STK3: variants seen among roughly 807,000 people sequenced by gnomAD.
The protein encoded by STK3 is serine/threonine kinase 3, also known as serine/threonine-protein kinase 3.
In STK3, 41 loss-of-function variants were observed where a neutral mutation model predicts 58.0. That is an observed-to-expected ratio of 0.71 (90% CI 0.55 to 0.92). The LOEUF is 0.92. Among genes scored for constraint, STK3 ranks in the 40% least tolerant of loss-of-function variants. The pLI is 0.00. For missense variants in STK3, 479 were observed against 602.7 expected (o/e 0.79, Z 2.15); for synonymous variants, 170 against 191.0 (o/e 0.89, Z 0.91).
chr8:98,566,377 A>C (rs1812482499), intron 8 of STK3, among the ~76,000 whole-genome samples: 1 of 152,136 alleles, frequency 6.6e-6, no homozygotes, highest in Non-Finnish European at 1.5e-5. Flanking sequence ...AACTGCAATA[A>C]GCCAAACTAG....
chr8:98,612,065 TAG>T (rs1198751216), intron 6 of STK3, among the ~76,000 whole-genome samples: 1 of 149,170 alleles, frequency 6.7e-6, no homozygotes, highest in African/African-American at 2.4e-5. Flanking sequence ...ATACATATAA[TAG>T]ACATTTATAT....
chr8:98,351,757 A>G, the STK3 span, among the ~76,000 whole-genome samples: 2 of 152,202 alleles, frequency 1.3e-5, no homozygotes, highest in Non-Finnish European at 2.9e-5. Context: ...ACCAATTTTT[A>G]CTCAAAAGAT....
At chr8:98,606,176 G>C (rs1816760273) in intron 6 of STK3, 1 of 152,230 alleles carries the variant, frequency 6.6e-6, no homozygotes, top group Non-Finnish European at 1.5e-5. Context: ...TAAATGGGCA[G>C]TATCAGGCTA....
intron 10 of STK3, among the ~76,000 whole-genome samples, chr8:98,510,940 T>C (rs1452118845): frequency 1.3e-5 from 2 of 152,052 alleles, no homozygotes; most frequent in Non-Finnish European, 2.9e-5. Flanking sequence ...CACATAGAAG[T>C]CACTGAAAAT....
the STK3 span, among the ~76,000 whole-genome samples, chr8:98,354,208 G>A: frequency 2.6e-5 from 4 of 152,190 alleles, no homozygotes; most frequent in Non-Finnish European, 4.4e-5. Context: ...TCTTGATTTA[G>A]GTCCTAAGTC....
intron 6 of STK3, among the ~76,000 whole-genome samples, chr8:98,664,345 T>C (rs1012653332): frequency 2.0e-5 from 3 of 152,216 alleles, no homozygotes; most frequent in Admixed American, 6.5e-5. Flanking sequence ...CCGGTCTGGG[T>C]CTTCATTTCT....
chr8:98,636,327 G>C (rs984337148), intron 6 of STK3, among the ~76,000 whole-genome samples: 1 of 151,948 alleles, frequency 6.6e-6, no homozygotes, highest in Non-Finnish European at 1.5e-5. Flanking sequence ...TCAGTACTTG[G>C]ATACTATTTA....
At chr8:98,893,610 A>C (rs1838343955) in intron 1 of STK3, among the ~76,000 whole-genome samples, 1 of 151,170 alleles carries the variant, frequency 6.6e-6, no homozygotes, top group East Asian at 1.9e-4. Flanking sequence ...AAAGGAAAGG[A>C]AAGAGGAAGG....
At position 98,767,233 on chromosome 8, in the gene STK3, C is replaced by A; in HGVS notation, c.236+10G>T. On this transcript the variant is annotated intron_variant, in intron 3 of 10. Transcript: ENST00000419617. The stretch of plus-strand genomic sequence containing the variant: ...ACAAGGGTAAGCAAAGAAATAAAAT[C>A]TCTTCATACCTGTCACATTGCTGCA... 6.4e-7 allele frequency: 1 copy of A among 1,573,996 alleles called. No homozygotes were observed. The highest frequency in any genetic ancestry group is 2.0e-5 in the Admixed American group (1 of 50,046).
chr8:98,594,458 G>C (rs1306117166), intron 7 of STK3, among the ~76,000 whole-genome samples: 1 of 152,008 alleles, frequency 6.6e-6, no homozygotes, highest in African/African-American at 2.4e-5. Flanking sequence ...AAATTAGCCA[G>C]GCATGGTGGC....
intron 7 of STK3, among the ~76,000 whole-genome samples, chr8:98,587,393 T>C (rs1288285828): frequency 1.3e-5 from 2 of 152,022 alleles, no homozygotes; most frequent in African/African-American, 2.4e-5. Flanking sequence ...TCAGTTTCCA[T>C]GTAGTTGAGT....
intron 1 of STK3, among the ~76,000 whole-genome samples, chr8:98,447,125 A>AT: frequency 6.6e-6 from 1 of 152,118 alleles, no homozygotes; most frequent in East Asian, 1.9e-4. Context: ...AACACGAAAA[A>AT]TAACTATTGG....
chr8:98,596,618 A>G (rs1452623629), intron 6 of STK3, among the ~76,000 whole-genome samples: 1 of 152,188 alleles, frequency 6.6e-6, no homozygotes, highest in Non-Finnish European at 1.5e-5. Flanking sequence ...TACTGCTATA[A>G]TTTGAAATAA....
At chr8:98,695,727 C>T (rs1824853265) in intron 6 of STK3, among the ~76,000 whole-genome samples, 1 of 151,928 alleles carries the variant, frequency 6.6e-6, no homozygotes, top group East Asian at 1.9e-4. Flanking sequence ...GGTACCAGTA[C>T]CATGCTGTTT....
the STK3 span, among the ~76,000 whole-genome samples, chr8:98,355,863 T>A: frequency 6.6e-6 from 1 of 152,354 alleles, no homozygotes; most frequent in South Asian, 2.1e-4. Context: ...GATGGCGCTA[T>A]GTAACCAGTT....
intron 3 of STK3, among the ~76,000 whole-genome samples, chr8:98,424,239 C>T (rs994578887): frequency 1.3e-5 from 2 of 152,266 alleles, no homozygotes; most frequent in African/African-American, 4.8e-5. Flanking sequence ...CCACATTGGG[C>T]TTCTCCCTGC....
chr8:98,915,345 CTTGGA>C (rs1839302481), intron 1 of STK3, among the ~76,000 whole-genome samples: 1 of 150,772 alleles, frequency 6.6e-6, no homozygotes, highest in African/African-American at 2.4e-5. Flanking sequence ...AGTTTTGGGA[CTTGGA>C]CTGGCTCTCC....
At chr8:98,557,294 T>G (rs959826465) in intron 8 of STK3, among the ~76,000 whole-genome samples, 8 of 152,076 alleles carry the variant, frequency 5.3e-5, no homozygotes, top group Non-Finnish European at 1.2e-4. Context: ...TACATTTGCT[T>G]GTATGTCTCG....
At chr8:98,449,151 G>A (rs1226341731) in intron 1 of STK3, among the ~76,000 whole-genome samples, 1 of 152,086 alleles carries the variant, frequency 6.6e-6, no homozygotes, top group Admixed American at 6.6e-5. Context: ...CAGTCTCTGG[G>A]AACCTTATAT....
Sources: allele counts gnomAD v4.1 joint callset (sites outside exome capture counted in the v4.1 genomes callset), GRCh38; gene constraint gnomAD v4.1.1; transcripts MANE v1.5; gene names NCBI Gene and HGNC (gene_info 2026-07-23, HGNC 2026-07-21).